CTDP1: variants seen among roughly 807,000 people sequenced by gnomAD.
CTDP1 encodes RNA polymerase II subunit A C-terminal domain phosphatase.
In CTDP1, 47 loss-of-function variants were observed where a neutral mutation model predicts 91.8. The ratio of observed to expected loss-of-function variants is 0.51; its 90% CI spans 0.41 to 0.65. The LOEUF is 0.65. CTDP1 is among the 30% of genes least tolerant of loss of function. The pLI is 0.00. For missense variants in CTDP1, 1,272 were observed against 1,373.7 expected (o/e 0.93, Z 1.17); for synonymous variants, 656 against 598.5 (o/e 1.10, Z -1.40).
At chr18:79,740,160 A>G (rs866352582) in intron 12 of CTDP1, among the ~76,000 whole-genome samples, 49 of 126,774 alleles carry the variant, frequency 3.9e-4, no homozygotes, top group African/African-American at 1.2e-3. Flanking sequence ...TCTCATACCC[A>G]CGGCCGGGAC....
At chr18:79,698,218 G>A (rs764440316) in intron 4 of CTDP1, among the ~76,000 whole-genome samples, 4 of 152,244 alleles carry the variant, frequency 2.6e-5, no homozygotes, top group African/African-American at 7.2e-5. Flanking sequence ...GCTTCCTTCC[G>A]TGTGTGTGGG....
chr18:79,730,454 A>G (rs1193498460), intron 11 of CTDP1, among the ~76,000 whole-genome samples: 1 of 41,612 alleles, frequency 2.4e-5, no homozygotes, highest in African/African-American at 7.6e-5. Context: ...AGTGGTGACA[A>G]CTGGTTCTTA....
intron 10 of CTDP1, among the ~76,000 whole-genome samples, chr18:79,723,689 G>A (rs1218609332): frequency 6.6e-6 from 1 of 151,960 alleles, no homozygotes; most frequent in Non-Finnish European, 1.5e-5. Flanking sequence ...GTGAAAGTGG[G>A]GAACAGGCTC....
In CTDP1 at chr18:79,713,251, A is replaced by G. The variant is rs935470287; in HGVS notation, c.1030+113A>G. ...TATAAATTCAAGATACACTTTTTTT[A>G]TTTGTGTTTCAGTAGAGATTATTGG... On this transcript the variant is annotated intron_variant, in intron 7 of 12. Coordinates refer to ENST00000613122, the MANE Select transcript of CTDP1 (RefSeq NM_004715.5). The surrounding 1 kb of genome is among the most constrained non-coding windows in gnomAD (Gnocchi z 4.7). 3.6e-5 allele frequency: 40 copies of G among 1,126,446 alleles called. No individual in the cohort carries two copies. Among genetic ancestry groups the G allele is most frequent in the Non-Finnish European group, 5.2e-5 (40 of 771,036 alleles). 69.8% of individuals were successfully genotyped at this position (1,126,446 alleles called of 1,614,324 possible).
chr18:79,680,566 C>T (rs2085342027), intron 1 of CTDP1, among the ~76,000 whole-genome samples: 1 of 152,240 alleles, frequency 6.6e-6, no homozygotes, highest in Non-Finnish European at 1.5e-5. Flanking sequence ...TTAGCTCCAC[C>T]TTTGTGACTT....
rs773745509 is a variant in CTDP1, at chr18:79,717,900, T to C, written c.2301T>C (p.Pro767=). 8 of 1,613,606 alleles carry C rather than the reference T, an allele frequency of 5.0e-6. No individual in the cohort carries two copies. The highest frequency in any genetic ancestry group is 2.2e-5 in the South Asian group (2 of 91,088). ...HPMPVLPKAQ[P]GPEVRIYDSN... ...TGCCGGTTCTTCCCAAGGCCCAGCCTGGCCCCGAGGTTCGGATCTACGACT... is the reference window on the plus strand; with the variant it reads ...TGCCGGTTCTTCCCAAGGCCCAGCCCGGCCCCGAGGTTCGGATCTACGACT... The change falls in exon 10 of 13, where the codon CCT becomes CCC. Residue 767 remains proline, a synonymous_variant. Transcript: ENST00000613122.
At chr18:79,717,076 C>T (rs1178420055) in intron 8 of CTDP1, among the ~76,000 whole-genome samples, 1 of 143,912 alleles carries the variant, frequency 6.9e-6, no homozygotes, top group Non-Finnish European at 1.5e-5. Context: ...CGGGTGAGGG[C>T]CCTGAGCCCT....
chr18:79,743,275 C>T (rs1420540379), intron 12 of CTDP1, among the ~76,000 whole-genome samples: 5 of 151,920 alleles, frequency 3.3e-5, no homozygotes, highest in Admixed American at 3.3e-4. Context: ...CTTGTAATCC[C>T]AGCACTCTAG....
At chr18:79,752,050 C>T (rs938202508) in intron 12 of CTDP1, among the ~76,000 whole-genome samples, 9 of 152,196 alleles carry the variant, frequency 5.9e-5, no homozygotes, top group South Asian at 2.1e-4. Flanking sequence ...CGTCCCAGCA[C>T]GGCACCAGGA....
chr18:79,702,493 C>T (rs982906924), intron 4 of CTDP1, among the ~76,000 whole-genome samples: 16 of 152,210 alleles, frequency 1.1e-4, no homozygotes, highest in African/African-American at 3.1e-4. Context: ...TGTGCCTCAG[C>T]CTCCCGAGTA....
At position 79,753,961 on chromosome 18, in the gene CTDP1, A is replaced by G; in HGVS notation, c.*171A>G. On this transcript the variant is annotated 3_prime_UTR_variant, in exon 13 of 13. Transcript: ENST00000613122. ...TTTGCAGAAATAGGTGTTTTTAAGAAGTTTTACTACAGGAATGTCTACTTT... is the reference window on the plus strand; with the variant it reads ...TTTGCAGAAATAGGTGTTTTTAAGAGGTTTTACTACAGGAATGTCTACTTT... 1.1e-6 allele frequency: 1 copy of G among 910,406 alleles called. No homozygotes were observed. The highest frequency in any genetic ancestry group is 1.6e-6 in the Non-Finnish European group (1 of 607,774). The allele number at this position is 910,406 out of a possible 1,614,324, so 56.4% of individuals were successfully genotyped here.
At chr18:79,694,579 G>A (rs1377122979) in intron 1 of CTDP1, among the ~76,000 whole-genome samples, 1 of 146,544 alleles carries the variant, frequency 6.8e-6, no homozygotes, top group Non-Finnish European at 1.5e-5. Flanking sequence ...AGTGCTGGGT[G>A]GTCTCATGTT....
intron 6 of CTDP1, among the ~76,000 whole-genome samples, chr18:79,711,747 C>A (rs959067332): frequency 6.6e-6 from 1 of 152,256 alleles, no homozygotes; most frequent in Non-Finnish European, 1.5e-5. Flanking sequence ...AGCTCCAGAG[C>A]CCCTTCCTGT....
intron 5 of CTDP1, among the ~76,000 whole-genome samples, chr18:79,706,249 G>A (rs1220863592): frequency 6.6e-6 from 1 of 152,226 alleles, no homozygotes; most frequent in Non-Finnish European, 1.5e-5. Flanking sequence ...GAAGGGACGT[G>A]TGTTCCTGAG....
At chr18:79,736,544 G>A (rs2122785122) in intron 12 of CTDP1, 23 bp downstream of exon 12, 2 of 1,520,916 alleles carry the variant, frequency 1.3e-6, no homozygotes, top group Non-Finnish European at 1.8e-6. Flanking sequence ...TCTGAGGTGG[G>A]AGGGGCCTGA....
chr18:79,750,075 T>C (rs556998389), intron 12 of CTDP1: 1 of 150,080 alleles, frequency 6.7e-6, no homozygotes, highest in Non-Finnish European at 1.5e-5. Flanking sequence ...GATCTGCAGA[T>C]GAGGCATGGA....
intron 10 of CTDP1, among the ~76,000 whole-genome samples, chr18:79,725,778 G>GA (rs2086433462): frequency 6.6e-6 from 1 of 151,862 alleles, no homozygotes; most frequent in South Asian, 2.1e-4. Flanking sequence ...CTCCCTTGCT[G>GA]GGGGACGTTT....
At chr18:79,710,299 G>A (rs377372845) in intron 5 of CTDP1, 47 bp from the exon 6 acceptor site, 49 of 1,480,854 alleles carry the variant, frequency 3.3e-5, no homozygotes, top group African/African-American at 2.9e-4. Context: ...CCGTGTGACC[G>A]AAACGTGTCT....
intron 1 of CTDP1, among the ~76,000 whole-genome samples, chr18:79,688,946 T>C (rs754093788): frequency 6.6e-6 from 1 of 152,258 alleles, no homozygotes; most frequent in Non-Finnish European, 1.5e-5. Flanking sequence ...AATGCTTTGC[T>C]GAGTTTGCTT....
Sources: gnomAD v4.1 joint callset for allele counts (sites outside exome capture counted in the v4.1 genomes callset) on GRCh38, gnomAD v4.1.1 for gene constraint, Gnocchi (gnomAD v3.1) non-coding constraint, MANE v1.5 for transcripts, NCBI Gene and HGNC (gene_info 2026-07-23, HGNC 2026-07-21) for gene names.